F13A1: variants seen among roughly 807,000 people sequenced by gnomAD.
F13A1 encodes the protein coagulation factor XIII A chain, also known as FSF, A subunit.
Under a neutral mutation model 80.1 loss-of-function variants are expected in F13A1, and 47 were observed. The ratio of observed to expected loss-of-function variants is 0.59; its 90% CI spans 0.46 to 0.75. The LOEUF is 0.75. Ranked by LOEUF, F13A1 falls within the 30% of genes least tolerant of loss-of-function variation. The pLI is 0.00. For synonymous variants in F13A1, 349 were observed against 344.9 expected (o/e 1.01, Z -0.13); for missense variants, 817 against 930.4 (o/e 0.88, Z 1.59).
chr6:6,150,403 A>G (rs1760353685), intron 14 of F13A1, among the ~76,000 whole-genome samples: 1 of 151,994 alleles, frequency 6.6e-6, no homozygotes, highest in Non-Finnish European at 1.5e-5. Context: ...GAAGGTTGCT[A>G]TGTTTTGTGC....
At chr6:6,217,872 G>C (rs1325692) in intron 8 of F13A1, among the ~76,000 whole-genome samples, 99,132 of 152,004 alleles carry the variant, frequency 0.65, 33,441 homozygotes, top group African/African-American at 0.83. Flanking sequence ...TTTGAAAAAG[G>C]TTTGTTTATA....
At chr6:6,304,590 G>C (rs146081994) in intron 3 of F13A1, among the ~76,000 whole-genome samples, 1 of 152,108 alleles carries the variant, frequency 6.6e-6, no homozygotes, top group Non-Finnish European at 1.5e-5. Context: ...GGCTGGGCAT[G>C]GTGTCTCATG....
intron 13 of F13A1, among the ~76,000 whole-genome samples, chr6:6,164,474 C>T (rs536732363): frequency 6.6e-6 from 1 of 151,466 alleles, no homozygotes; most frequent in Non-Finnish European, 1.5e-5. Flanking sequence ...TCATATGTAC[C>T]CTCAAATCTA....
chr6:6,211,535 T>A (rs1004972708), intron 8 of F13A1, among the ~76,000 whole-genome samples: 3 of 152,268 alleles, frequency 2.0e-5, no homozygotes, highest in Non-Finnish European at 4.4e-5. Flanking sequence ...CTATTTTACT[T>A]GGAATTCGTT....
chr6:6,148,576 C>T (rs1031400557), intron 14 of F13A1, among the ~76,000 whole-genome samples: 2 of 152,118 alleles, frequency 1.3e-5, no homozygotes, highest in South Asian at 2.1e-4. Context: ...ATGGATCTGG[C>T]GCTCCTAGAT....
At chr6:6,230,191 G>A (rs747461792) in intron 6 of F13A1, among the ~76,000 whole-genome samples, 13 of 152,162 alleles carry the variant, frequency 8.5e-5, no homozygotes, top group Middle Eastern at 3.4e-3. Flanking sequence ...TGGGTAGACC[G>A]GGTCAGGTTT....
chr6:6,279,450 T>C (rs1380583088), intron 3 of F13A1, among the ~76,000 whole-genome samples: 2 of 152,190 alleles, frequency 1.3e-5, no homozygotes, highest in Non-Finnish European at 2.9e-5. Flanking sequence ...TTCTTTCAAC[T>C]GACAAAGAAT....
Position 6,307,224 on chromosome 6 carries a change from G to C in F13A1, c.131-1685C>G, listed in dbSNP as rs527938210. Among the ~76,000 whole-genome samples, 13 of 152,196 alleles carry C rather than the reference G, an allele frequency of 8.5e-5. No homozygotes were observed. In the East Asian group the frequency reaches 2.5e-3, roughly 29 times the overall value. On this transcript the variant is annotated intron_variant, in intron 2 of 14. Coordinates refer to ENST00000264870, the MANE Select transcript of F13A1 (RefSeq NM_000129.4). Reference sequence around the variant, plus strand: ...TGTGACAGCCATTTCACAGGGCGTGGTGCTCCCCGGGTTACCCTGACTGCA... The same window carrying C: ...TGTGACAGCCATTTCACAGGGCGTGCTGCTCCCCGGGTTACCCTGACTGCA...
chr6:6,260,497 C>G (rs1336734229), intron 4 of F13A1, among the ~76,000 whole-genome samples: 1 of 152,172 alleles, frequency 6.6e-6, no homozygotes, highest in Admixed American at 6.6e-5. Context: ...TTCCAGTTAC[C>G]AGGCCATAGC....
intron 8 of F13A1, among the ~76,000 whole-genome samples, chr6:6,212,064 T>A (rs1321174794): frequency 5.3e-5 from 8 of 152,184 alleles, no homozygotes; most frequent in Non-Finnish European, 1.2e-4. Flanking sequence ...AGCACAGCAG[T>A]CTGAGATCAA....
chr6:6,277,751 GGCCTAACTGAA>G (rs1489407605), intron 3 of F13A1, among the ~76,000 whole-genome samples: 1 of 152,100 alleles, frequency 6.6e-6, no homozygotes, highest in Non-Finnish European at 1.5e-5. Flanking sequence ...TGATGTATAG[GGCCTAACTGAA>G]GCACATATAA....
Position 6,222,161 on chromosome 6 carries a change from G to C in F13A1, c.984C>G (p.Cys328Trp). Residue 328 changes from cysteine to tryptophan, a missense_variant, in exon 8 of 15, where the codon TGC becomes TGG. By Grantham distance (215) the Cys-to-Trp change is radical. Transcript: ENST00000264870. ...FAGVFNTFLR[C>W]LGIPARIVTN... ...TAACAATTCTTGCTGGTATTCCAAG[G>C]CATCGTAAAACTACAGGAAAGGACA... 1 of 1,613,938 alleles carries C rather than the reference G, an allele frequency of 6.2e-7. No homozygotes were observed. Among genetic ancestry groups the C allele is most frequent in the Non-Finnish European group, 8.5e-7 (1 of 1,179,890 alleles).
rs562369305 is a variant in F13A1 at position 6,190,694 on chromosome 6, C to T, written c.1305+5103G>A. On this transcript the variant is annotated intron_variant, in intron 10 of 14. Coordinates refer to ENST00000264870, the MANE Select transcript of F13A1 (RefSeq NM_000129.4). The stretch of plus-strand genomic sequence containing the variant: ...GTCTTTTTGTTTGTCTGTGCCCTGC[C>T]CCCAGAGGTGGAGCCTACAGAGGCA... Among the ~76,000 whole-genome samples, 1,301 of 151,624 alleles carry T rather than the reference C, an allele frequency of 8.6e-3. 7 individuals carry two copies. Among genetic ancestry groups the T allele is most frequent in the African/African-American group, 0.03 (1,246 of 41,506 alleles).
At chr6:6,198,313 A>G (rs547058586) in intron 8 of F13A1, among the ~76,000 whole-genome samples, 1 of 152,340 alleles carries the variant, frequency 6.6e-6, no homozygotes, top group South Asian at 2.1e-4. Flanking sequence ...TATGTCCTTG[A>G]AAAGACCTGA....
intron 3 of F13A1, among the ~76,000 whole-genome samples, chr6:6,280,376 CT>C (rs34698850): frequency 2.0e-5 from 3 of 152,146 alleles, no homozygotes; most frequent in Admixed American, 2.0e-4. Flanking sequence ...AAGTCAACGA[CT>C]TTATTAACTA....
At chr6:6,190,910 G>A (rs1190820597) in intron 10 of F13A1, among the ~76,000 whole-genome samples, 113 of 151,802 alleles carry the variant, frequency 7.4e-4, no homozygotes, top group African/African-American at 2.4e-3. Context: ...AGCCAGGTGC[G>A]GGATATAATC....
chr6:6,300,678 T>C (rs1314414138), intron 3 of F13A1, among the ~76,000 whole-genome samples: 5 of 152,174 alleles, frequency 3.3e-5, no homozygotes, highest in Non-Finnish European at 4.4e-5. Context: ...ATACCTCAGA[T>C]GGAAATGCAG....
At chr6:6,204,122 G>A (rs186969363) in intron 8 of F13A1, among the ~76,000 whole-genome samples, 2 of 152,298 alleles carry the variant, frequency 1.3e-5, no homozygotes, top group East Asian at 1.9e-4. Flanking sequence ...CTATGTGTTT[G>A]AAGAAAATAA....
In F13A1 at chr6:6,266,732, C is replaced by T; in HGVS notation, c.397G>A (p.Ala133Thr). The T allele has an allele frequency of 6.2e-7, 1 of 1,614,126 alleles. No individual in the cohort carries two copies. The change falls in exon 4 of 15, where the codon GCC becomes ACC. Residue 133 changes from alanine to threonine, a missense_variant. Ala to Thr is a moderately conservative substitution (Grantham distance 58, BLOSUM62 0). Transcript: ENST00000264870. ...VSELQSGKWG[A>T]KIVMREDRSV... ...CTGTCCTCTCTCATGACAATCTTGG[C>T]CCCCCACTTTCCACTTTGTAACTCT...
Sources: allele counts gnomAD v4.1 joint callset (sites outside exome capture counted in the v4.1 genomes callset), GRCh38; gene constraint gnomAD v4.1.1; transcripts MANE v1.5; gene names NCBI Gene and HGNC (gene_info 2026-07-23, HGNC 2026-07-21).